OTOGL: variants seen among roughly 807,000 people sequenced by gnomAD.
The protein encoded by OTOGL is otogelin-like protein.
Under a neutral mutation model 318.5 loss-of-function variants are expected in OTOGL, and 285 were observed. The ratio of observed to expected loss-of-function variants is 0.89; its 90% CI spans 0.81 to 0.99. The LOEUF (loss-of-function observed/expected upper bound fraction) is 0.99, where lower values mean the gene tolerates loss of function less well. OTOGL is among the 50% of genes least tolerant of loss of function. The pLI is 0.00. For missense variants in OTOGL, 2,899 were observed against 2,845.6 expected (o/e 1.02, Z -0.43); for synonymous variants, 987 against 936.5 (o/e 1.05, Z -0.99).
intron 26 of OTOGL, among the ~76,000 whole-genome samples, chr12:80,295,492 T>G (rs1885332554): frequency 6.6e-6 from 1 of 152,210 alleles, no homozygotes; most frequent in Admixed American, 6.5e-5. Context: ...TTGCCAAACA[T>G]TTAATGACTT....
chr12:80,286,628 C>T (rs1424445871), intron 26 of OTOGL, among the ~76,000 whole-genome samples: 2 of 152,048 alleles, frequency 1.3e-5, no homozygotes, highest in East Asian at 3.9e-4. Flanking sequence ...AGGAATTTAT[C>T]CATTTATTCT....
At chr12:80,289,330 C>T (rs911526053) in intron 26 of OTOGL, among the ~76,000 whole-genome samples, 1 of 152,256 alleles carries the variant, frequency 6.6e-6, no homozygotes, top group African/African-American at 2.4e-5. Context: ...AAGTGTCTGT[C>T]GACCCCTACT....
intron 58 of OTOGL, among the ~76,000 whole-genome samples, 200 bp downstream of exon 58, chr12:80,377,402 G>T (rs574834583): frequency 6.6e-6 from 1 of 152,132 alleles, no homozygotes. Context: ...AGTTCTGAAT[G>T]ATGGTTGCAA....
intron 1 of OTOGL, among the ~76,000 whole-genome samples, chr12:80,126,557 C>T (rs570287784): frequency 2.6e-4 from 39 of 152,126 alleles, no homozygotes; most frequent in Admixed American, 1.6e-3. Flanking sequence ...CTATTGGGTC[C>T]GCTTGGTGCA....
At chr12:80,115,590 T>C (rs983529720) in intron 1 of OTOGL, among the ~76,000 whole-genome samples, 1 of 152,172 alleles carries the variant, frequency 6.6e-6, no homozygotes, top group Non-Finnish European at 1.5e-5. Context: ...GGGAAATCCA[T>C]TGCTCTCTCC....
At chr12:80,321,773 G>A (rs1032162084) in intron 34 of OTOGL, among the ~76,000 whole-genome samples, 6 of 152,102 alleles carry the variant, frequency 3.9e-5, no homozygotes, top group African/African-American at 1.4e-4. Context: ...CTTAGGTGTG[G>A]TGACATACAT....
intron 33 of OTOGL, 53 bp from the exon 34 acceptor site, chr12:80,320,369 A>C: frequency 6.7e-7 from 1 of 1,496,514 alleles, no homozygotes; most frequent in Non-Finnish European, 9.1e-7. Context: ...TTGTGATGCC[A>C]ATGTTGATGA....
chr12:80,123,796 G>T (rs1870636064), intron 1 of OTOGL, among the ~76,000 whole-genome samples: 1 of 152,148 alleles, frequency 6.6e-6, no homozygotes, highest in African/African-American at 2.4e-5. Flanking sequence ...CAGTGATGAT[G>T]AGCATTTTTT....
At chr12:80,181,675 G>T (rs936970975) in intron 1 of OTOGL, among the ~76,000 whole-genome samples, 2 of 151,812 alleles carry the variant, frequency 1.3e-5, no homozygotes, top group Non-Finnish European at 2.9e-5. Flanking sequence ...CATCAGCAAA[G>T]GCATTTCGTA....
chr12:80,162,185 T>C (rs1338009850), intron 1 of OTOGL, among the ~76,000 whole-genome samples: 1 of 152,142 alleles, frequency 6.6e-6, no homozygotes, highest in Non-Finnish European at 1.5e-5. Context: ...CAAAAGTAGT[T>C]TATTAAATAG....
chr12:80,138,745 CT>C (rs1237885013), intron 1 of OTOGL, among the ~76,000 whole-genome samples: 2 of 152,040 alleles, frequency 1.3e-5, no homozygotes, highest in Non-Finnish European at 2.9e-5. Context: ...CAGACTGTAG[CT>C]GAATAGTGAA....
chr12:80,345,167 TATATA>T (rs1264482597), intron 44 of OTOGL, among the ~76,000 whole-genome samples: 5 of 133,812 alleles, frequency 3.7e-5, no homozygotes, highest in African/African-American at 5.5e-5. Flanking sequence ...TATATTATGA[TATATA>T]ATATATTTTA....
rs1171944956 is a variant in OTOGL, at chr12:80,217,620, A to G, written c.191A>G (p.Tyr64Cys). ...AAQFEATSPR[Y>C]FFHDAINWGE... is the part of the protein sequence containing the mutation. ...AAGTTTGAAGCTACTTCTCCGAGATACTTTTTCCATGATGCTATTAATTGG... is the reference window on the plus strand; with the variant it reads ...AAGTTTGAAGCTACTTCTCCGAGATGCTTTTTCCATGATGCTATTAATTGG... The change falls in exon 5 of 59, where the codon TAC becomes TGC. Residue 64 changes from tyrosine (Y) to cysteine (C), a missense_variant. Tyr to Cys is a radical substitution (Grantham distance 194). Around this residue, in one of 3 missense-constraint regions of OTOGL, gnomAD observed 2,607 missense variants for 2,524.9 expected, o/e 1.03. Transcript: ENST00000547103. 1 of 1,552,592 alleles carries G rather than the reference A, an allele frequency of 6.4e-7. No homozygotes were observed.
intron 11 of OTOGL, among the ~76,000 whole-genome samples, chr12:80,242,041 C>T (rs1242985727): frequency 1.3e-5 from 2 of 152,124 alleles, no homozygotes; most frequent in African/African-American, 4.8e-5. Flanking sequence ...CATGGCCACA[C>T]CTAGGTGCAA....
chr12:80,275,414 T>G (rs1283280423), intron 24 of OTOGL, among the ~76,000 whole-genome samples: 1 of 151,928 alleles, frequency 6.6e-6, no homozygotes, highest in Non-Finnish European at 1.5e-5. Context: ...TTCAATCTCA[T>G]GATAAAACTT....
chr12:80,368,602 A>C (rs1008364778), intron 55 of OTOGL, among the ~76,000 whole-genome samples: 1 of 152,174 alleles, frequency 6.6e-6, no homozygotes, highest in African/African-American at 2.4e-5. Flanking sequence ...AGAAAGGAAC[A>C]ATTAATATTT....
intron 11 of OTOGL, among the ~76,000 whole-genome samples, chr12:80,250,089 G>A (rs994114608): frequency 2.0e-5 from 3 of 151,992 alleles, no homozygotes; most frequent in East Asian, 3.9e-4. Flanking sequence ...AGATGAACCC[G>A]GTACCTCAGA....
At chr12:80,335,854 T>C in intron 38 of OTOGL, 109 bp from the exon 39 acceptor site, 1 of 999,702 alleles carries the variant, frequency 1.0e-6, no homozygotes. Flanking sequence ...TTCAAAAGTT[T>C]TTGTATTCAA....
At chr12:80,177,349 A>G (rs1406826315) in intron 1 of OTOGL, among the ~76,000 whole-genome samples, 1 of 152,158 alleles carries the variant, frequency 6.6e-6, no homozygotes, top group Non-Finnish European at 1.5e-5. Flanking sequence ...AGTTGCTACA[A>G]CACCATTTGT....
Sources: gnomAD v4.1 joint callset for allele counts (sites outside exome capture counted in the v4.1 genomes callset) on GRCh38, gnomAD v4.1.1 for gene constraint, gnomAD v4.1.1 regional missense constraint, MANE v1.5 for transcripts, NCBI Gene and HGNC (gene_info 2026-07-23, HGNC 2026-07-21) for gene names.